Variants in APOC1 observed in about 807,000 individuals in gnomAD.
APOC1 encodes apolipoprotein C-I.
APOC1 carries 4 observed loss-of-function variants against 6.7 expected under a neutral mutation model. The ratio of observed to expected loss-of-function variants is 0.60; its 90% confidence interval spans 0.29 to 1.37. APOC1 has a LOEUF of 1.37. Ranked by LOEUF, APOC1 falls within the 40% of genes most tolerant of loss-of-function variation. The probability of loss-of-function intolerance (pLI) is 0.09; values close to 1 mark genes in which losing one functional copy is unlikely to be tolerated. For synonymous variants in APOC1, 33 were observed against 40.6 expected (o/e 0.81, Z 0.72); for missense variants, 122 against 99.4 (o/e 1.23, Z -0.97).
intron 3 of APOC1, among the ~76,000 whole-genome samples, chr19:44,917,874 TGAG>T (rs1306757364): frequency 2.0e-5 from 3 of 151,812 alleles, no homozygotes; most frequent in African/African-American, 7.3e-5. Context: ...CTCGGGAGCC[TGAG>T]GCAGGAGAAT....
chr19:44,916,150 A>AC, intron 2 of APOC1, 40 bp from the exon 3 acceptor site: 1 of 1,519,412 alleles, frequency 6.6e-7, no homozygotes, highest in Admixed American at 2.3e-5. Context: ...AAAAAAAAAA[A>AC]AAAAAACAAA....
Position 44,919,223 on chromosome 19 carries a change from A to C in APOC1, c.245A>C (p.Asp82Ala), listed in dbSNP as rs1970059688. 2 of 1,613,608 alleles carry C rather than the reference A, an allele frequency of 1.2e-6. No individual in the cohort carries two copies. The highest frequency in any genetic ancestry group is 1.7e-6 in the Non-Finnish European group (2 of 1,179,806). ...FQKVKEKLKI[D>A]S Reference sequence around the variant, plus strand: ...AAAGTGAAGGAGAAACTCAAGATTGACTCATGAGGACCTGAAGGGTGACAT... The same window carrying C: ...AAAGTGAAGGAGAAACTCAAGATTGCCTCATGAGGACCTGAAGGGTGACAT... The change falls in exon 4 of 4, where the codon GAC becomes GCC. Residue 82 changes from aspartate (D) to alanine (A), a missense_variant. Asp to Ala is a moderately radical substitution (Grantham distance 126, BLOSUM62 -2). Transcript: ENST00000592535.
Position 44,916,195 on chromosome 19 carries a change from G to A in APOC1, c.64G>A (p.Ala22Thr), listed in dbSNP as rs764303170. Residue 22 changes from alanine (A) to threonine (T), a missense_variant, in exon 3 of 4, where the codon GCC becomes ACC. Transcript: ENST00000592535. ...CCTGCCCATCTTCCTGGCAGGCCCA[G>A]CCCCAGCCCAGGGGACCCCAGACGT... The part of the protein sequence containing the change: ...VVLSIVLEGP[A>T]PAQGTPDVSS... 2 of 1,537,968 alleles carry A rather than the reference G, an allele frequency of 1.3e-6. No homozygotes were observed. Among genetic ancestry groups the A allele is most frequent in the Admixed American group, 1.9e-5 (1 of 51,296 alleles).
In APOC1 at chr19:44,919,259, G is replaced by C. The variant is rs759317357; in HGVS notation, c.*29G>C. ...CCTGAAGGGTGACATCCCAGGAGGG[G>C]CCTCTGAAATTTCCCACACCCCAGC... On this transcript the variant is annotated 3_prime_UTR_variant, in exon 4 of 4. Transcript: ENST00000592535. 3 of 1,608,484 alleles carry C rather than the reference G, an allele frequency of 1.9e-6. No homozygotes were observed. Among genetic ancestry groups the C allele is most frequent in the Non-Finnish European group, 2.6e-6 (3 of 1,175,056 alleles).
Position 44,919,155 on chromosome 19 carries a change from C to T in APOC1, c.195-18C>T. On this transcript the variant is annotated intron_variant, in intron 3 of 3. Coordinates refer to ENST00000592535, the MANE Select transcript of APOC1 (RefSeq NM_001645.5). Reference sequence around the variant, plus strand: ...GGTAGCTGCACACAGTGACCCCCTTCCTTATTCCTCCCCACAGGGAGTGGT... The same window carrying T: ...GGTAGCTGCACACAGTGACCCCCTTTCTTATTCCTCCCCACAGGGAGTGGT... 1 of 1,611,838 alleles carries T rather than the reference C, an allele frequency of 6.2e-7. No individual in the cohort carries two copies. The highest frequency in any genetic ancestry group is 8.5e-7 in the Non-Finnish European group (1 of 1,178,330).
At chr19:44,915,347 G>A (rs12709881) in intron 2 of APOC1, 3,232 of 153,772 alleles carry the variant, frequency 0.021, 139 homozygotes, top group African/African-American at 0.08. Flanking sequence ...CTCTTGAGAC[G>A]GAGTCTCGCT....
At chr19:44,917,621 CAGGGAGGGAGGGAGGA>C (rs1411362363) in intron 3 of APOC1, among the ~76,000 whole-genome samples, 5 of 134,480 alleles carry the variant, frequency 3.7e-5, no homozygotes, top group Non-Finnish European at 7.8e-5. Flanking sequence ...AAAAGAAAGA[CAGGGAGGGAGGGAGGA>C]AGGAAGGGAG....
chr19:44,919,178 G>A lies in APOC1; in HGVS notation c.200G>A (p.Trp67Ter), dbSNP rs995139107. 1 of 1,613,606 alleles carries A rather than the reference G, an allele frequency of 6.2e-7. No homozygotes were observed. The highest frequency in any genetic ancestry group is 1.7e-5 in the Admixed American group (1 of 59,972). The change falls in exon 4 of 4, where the codon TGG becomes TAG. Residue 67 changes from tryptophan (W) to a stop codon, truncating the protein, a stop_gained. Coordinates refer to ENST00000592535, the MANE Select transcript of APOC1 (RefSeq NM_001645.5). LOFTEE classifies it low-confidence loss of function (END_TRUNC). ...TTCCTTATTCCTCCCCACAGGGAGT[G>A]GTTTTCAGAGACATTTCAGAAAGTG... ...QSELSAKMRE[W>*]FSETFQKVKE...
At chr19:44,916,146 A>G (rs1290241813) in intron 2 of APOC1, 44 bp from the exon 3 acceptor site, 1 of 1,503,690 alleles carries the variant, frequency 6.7e-7, no homozygotes. Flanking sequence ...CCAAAAAAAA[A>G]AAAAAAAAAA....
rs1064725 is a variant in APOC1, at chr19:44,919,304, T to G, written c.*74T>G. The G allele has an allele frequency of 0.044, 58,549 of 1,331,196 alleles. 1,708 individuals carry two copies. The highest frequency in any genetic ancestry group is 0.08 in the South Asian group (6,722 of 84,052). 82.5% of individuals were successfully genotyped at this position (1,331,196 alleles called of 1,614,324 possible). A position where few individuals can be genotyped will look rare whatever the true frequency, so the allele number is the denominator to read the frequency against. ...CCCAGCGCCTGTGCTGAGGACTCCC[T>G]CCATGTGGCCCCAGGTGCCACCAAT... On this transcript the variant is annotated 3_prime_UTR_variant, in exon 4 of 4. Transcript: ENST00000592535.
chr19:44,916,423 C>T (rs1970010815), intron 3 of APOC1, 98 bp downstream of exon 3: 1 of 1,504,404 alleles, frequency 6.6e-7, no homozygotes, highest in East Asian at 2.3e-5. Flanking sequence ...AAAAACAAGT[C>T]CTGGAGAGGC....
At position 44,914,952 on chromosome 19, in the gene APOC1, A is replaced by G. The variant is rs72654454; in HGVS notation, c.58+3A>G. On this transcript the variant is annotated splice_donor_region_variant and intron_variant, in intron 2 of 3. Coordinates refer to ENST00000592535, the MANE Select transcript of APOC1 (RefSeq NM_001645.5). The stretch of plus-strand genomic sequence containing the variant: ...GGTTCTGTCGATCGTCTTGGAAGGT[A>G]AAAGTGGGATGGGAGAATTGCGGAG... 2 of 1,610,186 alleles carry G rather than the reference A, an allele frequency of 1.2e-6. No homozygotes were observed. Among genetic ancestry groups the G allele is most frequent in the South Asian group, 1.1e-5 (1 of 90,964 alleles).
intron 3 of APOC1, among the ~76,000 whole-genome samples, chr19:44,917,959 G>C (rs987150314): frequency 1.3e-5 from 2 of 151,302 alleles, no homozygotes; most frequent in Non-Finnish European, 2.9e-5. Context: ...GGGCGACAAG[G>C]CGAGACTCCA....
chr19:44,916,065 A>C, intron 2 of APOC1, 125 bp from the exon 3 acceptor site: 1 of 1,094,394 alleles, frequency 9.1e-7, no homozygotes. Context: ...TGAACCCGGG[A>C]GGTGGTGGTT....
At chr19:44,915,845 T>C (rs932436746) in intron 2 of APOC1, among the ~76,000 whole-genome samples, 1 of 151,906 alleles carries the variant, frequency 6.6e-6, no homozygotes, top group African/African-American at 2.4e-5. Flanking sequence ...GGCACGCGCC[T>C]GTAGGCCCAG....
At chr19:44,914,810 G>C in intron 1 of APOC1, 62 bp from the exon 2 acceptor site, 1 of 1,396,310 alleles carries the variant, frequency 7.2e-7, no homozygotes, top group Non-Finnish European at 1.0e-6. Context: ...GGGGATCGTG[G>C]GAGGGAGGTA....
intron 2 of APOC1, chr19:44,915,168 G>C (rs760675765): frequency 1.5e-5 from 9 of 590,440 alleles, no homozygotes; most frequent in Non-Finnish European, 2.7e-5. Flanking sequence ...GACGTATTGA[G>C]GCCCACACCT....
intron 3 of APOC1, among the ~76,000 whole-genome samples, chr19:44,917,113 C>T (rs1970023952): frequency 6.6e-6 from 1 of 152,122 alleles, no homozygotes. Flanking sequence ...AGTTTCCTCT[C>T]CTATAAACTG....
chr19:44,915,212 A>T, intron 2 of APOC1: 1 of 537,498 alleles, frequency 1.9e-6, no homozygotes, highest in East Asian at 3.3e-5. Context: ...ACAGCCTTGA[A>T]AGTGGGTAAG....
Sources: gnomAD v4.1 joint callset for allele counts (sites outside exome capture counted in the v4.1 genomes callset) on GRCh38, gnomAD v4.1.1 for gene constraint, MANE v1.5 for transcripts, NCBI Gene and HGNC (gene_info 2026-07-23, HGNC 2026-07-21) for gene names.